ZFP28: variants seen among roughly 807,000 people sequenced by gnomAD.
The protein encoded by ZFP28 is zinc finger protein 28 homolog.
A neutral mutation model predicts 39.5 loss-of-function variants in ZFP28; 31 were observed. The observed-to-expected ratio is 0.79, with a 90% CI of 0.59 to 1.06. The LOEUF (loss-of-function observed/expected upper bound fraction) is 1.06. Ranked by LOEUF, ZFP28 falls within the 50% of genes least tolerant of loss-of-function variation. The pLI is 0.00. For missense variants in ZFP28, 925 were observed against 1,048.4 expected (o/e 0.88, Z 1.63); for synonymous variants, 400 against 378.6 (o/e 1.06, Z -0.66).
rs374510171 is a variant in ZFP28, at chr19:56,554,504, T to C, written c.1719T>C (p.His573=). 6.2e-7 allele frequency: 1 copy of C among 1,614,220 alleles called. No individual in the cohort carries two copies. The highest frequency in any genetic ancestry group is 8.5e-7 in the Non-Finnish European group (1 of 1,180,046). ...CDVCRKAFSH[H]ASLTQHQRVH... is the part of the protein sequence containing the mutation. ...TTTGCAGAAAAGCCTTCAGCCATCA[T>C]GCATCACTCACTCAACATCAAAGAG... The change falls in exon 8 of 8, where the codon CAT becomes CAC. Residue 573 remains histidine (H), a synonymous_variant. Transcript: ENST00000301318. The surrounding 1 kb of genome is among the most constrained non-coding windows in gnomAD (Gnocchi z 6.7).
At chr19:56,546,462 T>C (rs1251739745) in intron 2 of ZFP28, 1 of 152,194 alleles carries the variant, frequency 6.6e-6, no homozygotes, top group East Asian at 1.9e-4. Context: ...AAAATCCTGC[T>C]CATGCCAAGC....
At chr19:56,550,012 C>T in intron 5 of ZFP28, 55 bp from the exon 6 acceptor site, 1 of 1,445,376 alleles carries the variant, frequency 6.9e-7, no homozygotes, top group Non-Finnish European at 9.5e-7. Context: ...CCCACTGAGA[C>T]CAGGTGAGTT....
intron 2 of ZFP28, among the ~76,000 whole-genome samples, chr19:56,541,464 C>T (rs1568483864): frequency 1.3e-5 from 2 of 152,186 alleles, no homozygotes; most frequent in Non-Finnish European, 2.9e-5. Flanking sequence ...CAGCCCCTTC[C>T]CGATGAGCAG....
Position 56,555,494 on chromosome 19 carries a change from A to C in ZFP28, c.*102A>C, listed in dbSNP as rs2044343498. 1 of 1,416,046 alleles carries C rather than the reference A, an allele frequency of 7.1e-7. No individual in the cohort carries two copies. The highest frequency in any genetic ancestry group is 9.5e-7 in the Non-Finnish European group (1 of 1,052,142). The allele number at this position is 1,416,046 out of a possible 1,614,324, so 87.7% of individuals were successfully genotyped here. ...CCCTTATTAGTTAGTTCTTCACATAAGTGTAAATGTAACTTATTCACTCCT... is the reference window on the plus strand; with the variant it reads ...CCCTTATTAGTTAGTTCTTCACATACGTGTAAATGTAACTTATTCACTCCT... On this transcript the variant is annotated 3_prime_UTR_variant, in exon 8 of 8. Coordinates refer to ENST00000301318, the MANE Select transcript of ZFP28 (RefSeq NM_020828.2).
In ZFP28 at chr19:56,549,125, A is replaced by C. The variant is rs1270875758; in HGVS notation, c.687+4A>C. 6.3e-7 allele frequency: 1 copy of C among 1,599,072 alleles called. No homozygotes were observed. The highest frequency in any genetic ancestry group is 8.5e-7 in the Non-Finnish European group (1 of 1,172,402). Reference sequence around the variant, plus strand: ...TGCTCTGTTTGAGACACAGCCGGTAAGTCACAAGACAAATTTCAGGCAAGA... The same window carrying C: ...TGCTCTGTTTGAGACACAGCCGGTACGTCACAAGACAAATTTCAGGCAAGA... On this transcript the variant is annotated splice_donor_region_variant and intron_variant, in intron 5 of 7. Coordinates refer to ENST00000301318, the MANE Select transcript of ZFP28 (RefSeq NM_020828.2).
At chr19:56,540,952 T>C (rs1487284014) in intron 2 of ZFP28, among the ~76,000 whole-genome samples, 3 of 152,138 alleles carry the variant, frequency 2.0e-5, no homozygotes, top group Non-Finnish European at 4.4e-5. Context: ...GCCTCAGCAC[T>C]CTGCTCATGG....
intron 2 of ZFP28, 71 bp downstream of exon 2, chr19:56,539,787 C>T: frequency 2.8e-6 from 4 of 1,439,552 alleles, no homozygotes; most frequent in South Asian, 1.2e-5. Flanking sequence ...TGCTTATTTT[C>T]TTGAAAGTTT....
upstream of ZFP28, chr19:56,538,894 C>G: frequency 1.2e-6 from 1 of 823,394 alleles, no homozygotes; most frequent in Admixed American, 4.8e-5. Flanking sequence ...GCGGCGCGGC[C>G]CAGTGGATGC....
At chr19:56,538,318 G>A (rs1221742045), upstream of ZFP28, 3 of 152,388 alleles carry the variant, frequency 2.0e-5, no homozygotes, top group African/African-American at 7.2e-5. Context: ...GGTCGGCAGT[G>A]ACGCTCCCGC....
At chr19:56,552,816 T>A (rs566097219) in intron 7 of ZFP28, 1 of 152,284 alleles carries the variant, frequency 6.6e-6, no homozygotes, top group African/African-American at 2.4e-5. Context: ...CTCTCCTTTA[T>A]CACCTTCCTT....
rs201165909 is a variant in ZFP28, at chr19:56,547,543, C to G, written c.336C>G (p.Phe112Leu). Reference sequence around the variant, plus strand: ...CATTTGGGGATGTGGCTGTAGATTTCTCCCAAGAGGAGTGGGAGTGGCTGA... The same window carrying G: ...CATTTGGGGATGTGGCTGTAGATTTGTCCCAAGAGGAGTGGGAGTGGCTGA... ...LVTFGDVAVDFSQEEWEWLNP... is the reference protein window; with the variant it reads ...LVTFGDVAVDLSQEEWEWLNP... The change falls in exon 3 of 8, where the codon TTC becomes TTG. Residue 112 changes from phenylalanine (F) to leucine (L), a missense_variant. By Grantham distance (22) the Phe-to-Leu change is conservative (BLOSUM62 0). Transcript: ENST00000301318. This position sits in a 1 kb window ranked among gnomAD's most constrained non-coding sequence, Gnocchi z 4.6. 9.8e-5 allele frequency: 158 copies of G among 1,614,056 alleles called. No individual in the cohort carries two copies. Among genetic ancestry groups the G allele is most frequent in the Non-Finnish European group, 1.3e-4 (148 of 1,180,034 alleles).
rs2044289271 is a variant in ZFP28, at chr19:56,550,490, A to G, written c.803-20A>G. ...ATGCCAAGACTATTGGCCAAACCTC[A>G]TCTCTTTTCACTTTTTCAGGACATT... is the stretch of plus-strand genomic sequence containing the variant. On this transcript the variant is annotated intron_variant, in intron 6 of 7. Coordinates refer to ENST00000301318, the MANE Select transcript of ZFP28 (RefSeq NM_020828.2). 7 of 1,609,054 alleles carry G rather than the reference A, an allele frequency of 4.4e-6. No individual in the cohort carries two copies. Among genetic ancestry groups the G allele is most frequent in the Non-Finnish European group, 5.9e-6 (7 of 1,176,638 alleles).
chr19:56,551,898 T>G, intron 7 of ZFP28: 1 of 983,098 alleles, frequency 1.0e-6, no homozygotes, highest in Non-Finnish European at 1.2e-6. Context: ...CTGTGATATA[T>G]TGTCTCAAAC....
chr19:56,546,055 A>G (rs763087503), intron 2 of ZFP28: 1 of 152,200 alleles, frequency 6.6e-6, no homozygotes, highest in African/African-American at 2.4e-5. Context: ...TGCACGTTCT[A>G]AGTGCTGTGT....
rs758378326 is a variant in ZFP28, at chr19:56,554,235, G to C, written c.1450G>C (p.Ala484Pro). 6.2e-7 allele frequency: 1 copy of C among 1,614,186 alleles called. No homozygotes were observed. The highest frequency in any genetic ancestry group is 8.5e-7 in the Non-Finnish European group (1 of 1,180,016). ...CTATGAGTGCATTGAGTGTGGGAAA[G>C]CTTTCATACAGAACACATCCCTTAT... ...KPYECIECGK[A>P]FIQNTSLIRH... The change falls in exon 8 of 8, where the codon GCT (alanine) becomes CCT (proline). Residue 484 changes from alanine (A) to proline (P), a missense_variant. By Grantham distance (27) the Ala-to-Pro change is conservative. This residue lies in a region of ZFP28 where 369 missense variants were observed against 505.5 expected (regional missense o/e 0.73). Transcript: ENST00000301318. This position sits in a 1 kb window ranked among gnomAD's most constrained non-coding sequence, Gnocchi z 6.7.
chr19:56,549,909 A>C (rs2044280068), intron 5 of ZFP28, among the ~76,000 whole-genome samples, 158 bp from the exon 6 acceptor site: 1 of 152,220 alleles, frequency 6.6e-6, no homozygotes, highest in Non-Finnish European at 1.5e-5. Flanking sequence ...GTATGCTATA[A>C]CTAAGCCCTG....
intron 7 of ZFP28, chr19:56,552,463 A>G (rs2044312568): frequency 6.6e-6 from 1 of 152,116 alleles, no homozygotes; most frequent in Non-Finnish European, 1.5e-5. Flanking sequence ...ATGTGCTCTT[A>G]AATCTGTTTA....
chr19:56,554,345 T>G lies in ZFP28; in HGVS notation c.1560T>G (p.Leu520=). 6.2e-7 allele frequency: 1 copy of G among 1,614,186 alleles called. No homozygotes were observed. The highest frequency in any genetic ancestry group is 8.5e-7 in the Non-Finnish European group (1 of 1,180,036). The change falls in exon 8 of 8, where the codon CTT becomes CTG. Residue 520 remains leucine (L), a synonymous_variant. Transcript: ENST00000301318. This position sits in a 1 kb window ranked among gnomAD's most constrained non-coding sequence, Gnocchi z 6.7. ...AAGCCTTCAGTGACCACATAGGGCT[T>G]AATCAACACAGGAGAATTCATACTG... The part of the protein sequence containing the change: ...CGKAFSDHIG[L]NQHRRIHTGE...
Position 56,547,384 on chromosome 19 carries a change from G to A in ZFP28, c.301-124G>A. The A allele has an allele frequency of 7.2e-7, 1 of 1,394,564 alleles. No individual in the cohort carries two copies. Among genetic ancestry groups the A allele is most frequent in the Non-Finnish European group, 9.9e-7 (1 of 1,009,676 alleles). 86.4% of individuals were successfully genotyped at this position (1,394,564 alleles called of 1,614,324 possible). On this transcript the variant is annotated intron_variant, in intron 2 of 7. Coordinates refer to ENST00000301318, the MANE Select transcript of ZFP28 (RefSeq NM_020828.2). The surrounding 1 kb of genome is among the most constrained non-coding windows in gnomAD (Gnocchi z 4.6). ...TCTCTAAATACAGTCACATTCAAAA[G>A]TACTGGGGATTAGGAGTTTAATGTA...
Sources: allele counts gnomAD v4.1 joint callset (sites outside exome capture counted in the v4.1 genomes callset), GRCh38; gene constraint gnomAD v4.1.1; regional missense constraint gnomAD v4.1.1; non-coding constraint Gnocchi (gnomAD v3.1); transcripts MANE v1.5; gene names NCBI Gene and HGNC (gene_info 2026-07-23, HGNC 2026-07-21).